ARMH4: variants seen among roughly 807,000 people sequenced by gnomAD.
The protein encoded by ARMH4 is armadillo like helical domain containing 4, also known as armadillo-like helical domain-containing protein 4.
ARMH4 carries 49 observed loss-of-function variants against 61.9 expected under a neutral mutation model. The ratio of observed to expected loss-of-function variants is 0.79; its 90% CI spans 0.63 to 1.00. The LOEUF (loss-of-function observed/expected upper bound fraction) is 1.00, where lower values mean the gene tolerates loss of function less well. Ranked by LOEUF, ARMH4 falls within the 50% of genes least tolerant of loss-of-function variation. ARMH4 has a pLI of 0.00. For synonymous variants in ARMH4, 368 were observed against 341.5 expected (o/e 1.08, Z -0.85); for missense variants, 934 against 930.0 (o/e 1.00, Z -0.06).
intron 5 of ARMH4, among the ~76,000 whole-genome samples, chr14:58,066,771 G>T (rs1319006304): frequency 6.6e-6 from 1 of 152,126 alleles, no homozygotes; most frequent in Non-Finnish European, 1.5e-5. Flanking sequence ...ATCTTGAAAG[G>T]TCATGGATTA....
Position 58,130,876 on chromosome 14 carries a change from T to C in ARMH4, c.1831+636A>G, listed in dbSNP as rs115904052. Among the ~76,000 whole-genome samples, 485 of 152,340 alleles carry C rather than the reference T, an allele frequency of 3.2e-3. 2 individuals are homozygous for C. The highest frequency in any genetic ancestry group is 0.011 in the African/African-American group (461 of 41,580). The stretch of plus-strand genomic sequence containing the variant: ...GGTGGGGAAACTCAACATCTCCATC[T>C]TAACCTAGTATTCTCAATCCAGCTT... On this transcript the variant is annotated intron_variant, in intron 4 of 7. Coordinates refer to ENST00000267485, the MANE Select transcript of ARMH4 (RefSeq NM_001001872.4).
intron 1 of ARMH4, among the ~76,000 whole-genome samples, chr14:58,143,537 C>T (rs568323944): frequency 1.1e-4 from 16 of 152,240 alleles, no homozygotes; most frequent in African/African-American, 3.1e-4. Context: ...CATCTCGGCT[C>T]GCTGCAACCT....
At chr14:58,047,581 A>C (rs1883985083) in intron 5 of ARMH4, among the ~76,000 whole-genome samples, 2 of 152,228 alleles carry the variant, frequency 1.3e-5, no homozygotes, top group Admixed American at 1.3e-4. Context: ...CACACAGCTT[A>C]TAAGTGGCAG....
At chr14:58,041,036 C>T (rs1383147556) in intron 5 of ARMH4, among the ~76,000 whole-genome samples, 9 of 152,168 alleles carry the variant, frequency 5.9e-5, no homozygotes, top group African/African-American at 4.8e-5. Context: ...CCAGCGTGAG[C>T]GACGCAGAAG....
At position 58,131,427 on chromosome 14, in the gene ARMH4, C is replaced by T. The variant is rs141103194; in HGVS notation, c.1831+85G>A. 17 of 1,106,090 alleles carry T rather than the reference C, an allele frequency of 1.5e-5. No individual in the cohort carries two copies. The East Asian group carries it at 3.8e-4, about 25-fold the overall frequency. The allele number at this position is 1,106,090 out of a possible 1,614,324, so 68.5% of individuals were successfully genotyped here. A position where few individuals can be genotyped will look rare whatever the true frequency, so the allele number is the denominator to read the frequency against. ...TGATCTATACTGCAGATTGAATATA[C>T]TCCTACTTAATTCTTTTTCAAAAAC... On this transcript the variant is annotated intron_variant, in intron 4 of 7. Coordinates refer to ENST00000267485, the MANE Select transcript of ARMH4 (RefSeq NM_001001872.4).
At position 58,012,123 on chromosome 14, in the gene ARMH4, T is replaced by C. The variant is rs748572304; in HGVS notation, c.2117A>G (p.Asp706Gly). Residue 706 changes from aspartate to glycine, a missense_variant, in exon 6 of 8, where the codon GAC becomes GGC. Asp to Gly is a moderately conservative substitution (Grantham distance 94). Coordinates refer to ENST00000267485, the MANE Select transcript of ARMH4 (RefSeq NM_001001872.4). ...GGAAGAAAATACTTTTCTTACCTTGTCTTTTAATTTTTCCATCCAGCTTCT... is the reference window on the plus strand; with the variant it reads ...GGAAGAAAATACTTTTCTTACCTTGCCTTTTAATTTTTCCATCCAGCTTCT... ...LVRSWMEKLK[D>G]KAGYMSGMLV... is the part of the protein sequence containing the mutation. The C allele has an allele frequency of 2.0e-6, 3 of 1,481,760 alleles. No individual in the cohort carries two copies. The South Asian group carries it at 3.7e-5, about 18-fold the overall frequency. 91.8% of individuals were successfully genotyped at this position (1,481,760 alleles called of 1,614,324 possible). A position where few individuals can be genotyped will look rare whatever the true frequency, so the allele number is the denominator to read the frequency against.
Position 58,005,191 on chromosome 14 carries a change from A to G in ARMH4, c.2122-9T>C, listed in dbSNP as rs763476542. ...CCAGACATGTAACCAGCCTGCATAGAAAAGGAAACACACATTAGGATGCTA... is the reference window on the plus strand; with the variant it reads ...CCAGACATGTAACCAGCCTGCATAGGAAAGGAAACACACATTAGGATGCTA... On this transcript the variant is annotated splice_polypyrimidine_tract_variant and intron_variant, in intron 6 of 7. Transcript: ENST00000267485. 5.6e-6 allele frequency: 9 copies of G among 1,613,846 alleles called. No individual in the cohort carries two copies. The Admixed American group carries it at 8.3e-5, about 15-fold the overall frequency.
intron 6 of ARMH4, among the ~76,000 whole-genome samples, chr14:58,010,764 A>G (rs1450675283): frequency 2.6e-5 from 4 of 152,110 alleles, no homozygotes; most frequent in African/African-American, 9.7e-5. Context: ...AAAGCTATAT[A>G]TACATGCAGA....
At chr14:58,025,589 TTC>T (rs1882994554) in intron 5 of ARMH4, among the ~76,000 whole-genome samples, 1 of 152,206 alleles carries the variant, frequency 6.6e-6, no homozygotes, top group South Asian at 2.1e-4. Flanking sequence ...CCAGCTCTTT[TTC>T]TTTCTTGTTA....
At chr14:58,057,485 T>C (rs1256767836) in intron 5 of ARMH4, among the ~76,000 whole-genome samples, 1 of 152,118 alleles carries the variant, frequency 6.6e-6, no homozygotes, top group African/African-American at 2.4e-5. Context: ...TAGTGTTGAG[T>C]AGAATTCAAA....
At chr14:58,063,620 T>C (rs1277053506) in intron 5 of ARMH4, among the ~76,000 whole-genome samples, 1 of 87,080 alleles carries the variant, frequency 1.1e-5, no homozygotes, top group East Asian at 4.0e-4. Context: ...ACAAAAAATA[T>C]CATTTTTAGA....
chr14:58,095,035 A>T (rs547112712), intron 5 of ARMH4, among the ~76,000 whole-genome samples: 25 of 152,310 alleles, frequency 1.6e-4, no homozygotes, highest in African/African-American at 6.0e-4. Context: ...CCAAATGATC[A>T]TTTTAGCCTT....
intron 5 of ARMH4, among the ~76,000 whole-genome samples, chr14:58,069,006 GA>G (rs11352260): frequency 0.56 from 66,864 of 118,720 alleles, 17,744 homozygotes; most frequent in Middle Eastern, 0.66. Flanking sequence ...ACTCTGTCTC[GA>G]AAAAAAAAAA....
intron 5 of ARMH4, among the ~76,000 whole-genome samples, chr14:58,059,998 T>C (rs1340866845): frequency 6.6e-6 from 1 of 152,114 alleles, no homozygotes; most frequent in Non-Finnish European, 1.5e-5. Context: ...ACGTAGAAAA[T>C]AAAGTGAGAT....
chr14:58,039,830 C>G (rs1009496066), intron 5 of ARMH4, among the ~76,000 whole-genome samples: 1 of 152,134 alleles, frequency 6.6e-6, no homozygotes, highest in Admixed American at 6.5e-5. Context: ...TACTGGATAG[C>G]TGGGTATCAT....
chr14:58,043,413 G>A (rs575906569), intron 5 of ARMH4, among the ~76,000 whole-genome samples: 2 of 152,230 alleles, frequency 1.3e-5, no homozygotes, highest in South Asian at 4.1e-4. Flanking sequence ...AACGCTTCAT[G>A]CTAAAAACTC....
At chr14:58,109,515 T>C (rs1886278672) in intron 4 of ARMH4, among the ~76,000 whole-genome samples, 1 of 152,216 alleles carries the variant, frequency 6.6e-6, no homozygotes, top group African/African-American at 2.4e-5. Flanking sequence ...CTTGTCCAAA[T>C]ATATAATTAT....
chr14:58,126,484 C>T (rs1156392675), intron 4 of ARMH4, among the ~76,000 whole-genome samples: 1 of 152,186 alleles, frequency 6.6e-6, no homozygotes, highest in Non-Finnish European at 1.5e-5. Context: ...AGGACAAAAA[C>T]AACCATGATA....
At chr14:58,114,169 G>T (rs1490563287) in intron 4 of ARMH4, among the ~76,000 whole-genome samples, 6 of 152,114 alleles carry the variant, frequency 3.9e-5, no homozygotes, top group Non-Finnish European at 8.8e-5. Flanking sequence ...TATTGGACAT[G>T]ATTTTTTCCA....
Sources: gnomAD v4.1 joint callset for allele counts (sites outside exome capture counted in the v4.1 genomes callset) on GRCh38, gnomAD v4.1.1 for gene constraint, MANE v1.5 for transcripts, NCBI Gene and HGNC (gene_info 2026-07-23, HGNC 2026-07-21) for gene names.